CALHM5: variants seen among roughly 807,000 people sequenced by gnomAD.
The protein encoded by CALHM5 is calcium homeostasis modulator protein 5.
CALHM5 carries 17 observed loss-of-function variants against 20.9 expected under a neutral mutation model. The observed-to-expected ratio is 0.82, with a 90% CI of 0.56 to 1.22. CALHM5 has a LOEUF of 1.22. CALHM5 is among the 50% of genes most tolerant of loss of function. CALHM5 has a pLI of 0.00. For missense variants in CALHM5, 360 were observed against 364.6 expected (o/e 0.99, Z 0.10); for synonymous variants, 148 against 140.0 (o/e 1.06, Z -0.40).
rs1255233980 is a variant in CALHM5, at chr6:116,518,830, C to G, written c.*2841C>G. The G allele has an allele frequency of 6.6e-6, 1 of 152,202 alleles. No individual in the cohort carries two copies. The highest frequency in any genetic ancestry group is 1.5e-5 in the Non-Finnish European group (1 of 68,038). The allele number at this position is 152,202 out of a possible 1,614,324, so 9.4% of individuals were successfully genotyped here. On this transcript the variant is annotated 3_prime_UTR_variant, in exon 2 of 2. Coordinates refer to ENST00000368599, the MANE Select transcript of CALHM5 (RefSeq NM_153711.5). Reference sequence around the variant, plus strand: ...ACTGCCTCATTCAAGAAAACCCAAGCTGACTGGCAAGAAGCCAGCAGCCTG... The same window carrying G: ...ACTGCCTCATTCAAGAAAACCCAAGGTGACTGGCAAGAAGCCAGCAGCCTG...
chr6:116,514,638 TA>T (rs1772186298), intron 1 of CALHM5, among the ~76,000 whole-genome samples: 1 of 152,172 alleles, frequency 6.6e-6, no homozygotes, highest in Non-Finnish European at 1.5e-5. Flanking sequence ...TAAACCTGAG[TA>T]GTGCCAGTCC....
At position 116,514,912 on chromosome 6, in the gene CALHM5, G is replaced by C. The variant is rs556842538; in HGVS notation, c.541-688G>C. Among the ~76,000 whole-genome samples, 145 of 152,266 alleles carry C rather than the reference G, an allele frequency of 9.5e-4. 3 individuals are homozygous for C. In the South Asian group the frequency reaches 0.029, roughly 31 times the overall value. On this transcript the variant is annotated intron_variant, in intron 1 of 1. Transcript: ENST00000368599. ...AATTTCAATTGTGAAAACAGAGTTAGAGCCAAAAAAGTTAGAAGATAATTT... is the reference window on the plus strand; with the variant it reads ...AATTTCAATTGTGAAAACAGAGTTACAGCCAAAAAAGTTAGAAGATAATTT...
rs1282149164 is a variant in CALHM5, at chr6:116,517,657, G to A, written c.*1668G>A. 6.6e-6 allele frequency: 1 copy of A among 152,160 alleles called. No homozygotes were observed. The highest frequency in any genetic ancestry group is 1.5e-5 in the Non-Finnish European group (1 of 68,030). 9.4% of individuals were successfully genotyped at this position (152,160 alleles called of 1,614,324 possible). ...TTTGGTCTTTCTTCCTATTCCTGGT[G>A]CAGAGCTCCTAAAACCTTTGGGACC... is the stretch of plus-strand genomic sequence containing the variant. On this transcript the variant is annotated 3_prime_UTR_variant, in exon 2 of 2. Coordinates refer to ENST00000368599, the MANE Select transcript of CALHM5 (RefSeq NM_153711.5).
rs1437212069 is a variant in CALHM5 at position 116,523,300 on chromosome 6, A to T, written c.*7311A>T. 1 of 152,182 alleles carries T rather than the reference A, an allele frequency of 6.6e-6. No individual in the cohort carries two copies. Among genetic ancestry groups the T allele is most frequent in the African/African-American group, 2.4e-5 (1 of 41,450 alleles). 9.4% of individuals were successfully genotyped at this position (152,182 alleles called of 1,614,324 possible). A position where few individuals can be genotyped will look rare whatever the true frequency, so the allele number is the denominator to read the frequency against. ...ATATTTTGTCCTTTAGGAATATTTT[A>T]AAGTTTACTTCACATAAGTTTTACA... On this transcript the variant is annotated 3_prime_UTR_variant, in exon 2 of 2. Coordinates refer to ENST00000368599, the MANE Select transcript of CALHM5 (RefSeq NM_153711.5).
intron 1 of CALHM5, among the ~76,000 whole-genome samples, chr6:116,513,576 T>C (rs1035887549): frequency 2.0e-5 from 3 of 152,208 alleles, no homozygotes; most frequent in African/African-American, 7.2e-5. Context: ...CACACTGACC[T>C]GCTGATTCTT....
At chr6:116,515,061 A>G (rs73553441) in intron 1 of CALHM5, among the ~76,000 whole-genome samples, 9,834 of 152,262 alleles carry the variant, frequency 0.065, 360 homozygotes, top group Non-Finnish European at 0.079. Context: ...GGTTTTAATG[A>G]TCCTAATTTT....
intron 1 of CALHM5, 148 bp from the exon 2 acceptor site, chr6:116,515,452 T>TA: frequency 1.1e-6 from 1 of 909,000 alleles, no homozygotes; most frequent in East Asian, 2.5e-5. Context: ...AAAGTGAGTT[T>TA]AAAGTGTTTA....
At position 116,521,134 on chromosome 6, in the gene CALHM5, T is replaced by C. The variant is rs908151095; in HGVS notation, c.*5145T>C. The C allele has an allele frequency of 6.6e-6, 1 of 151,990 alleles. No homozygotes were observed. Among genetic ancestry groups the C allele is most frequent in the African/African-American group, 2.4e-5 (1 of 41,390 alleles). The allele number at this position is 151,990 out of a possible 1,614,324, so 9.4% of individuals were successfully genotyped here. A position where few individuals can be genotyped will look rare whatever the true frequency, so the allele number is the denominator to read the frequency against. ...TGTATATATATATATGCTACATATA[T>C]GAAAGGGGATTTCTTGTGGGAATAT... On this transcript the variant is annotated 3_prime_UTR_variant, in exon 2 of 2. Transcript: ENST00000368599.
Position 116,515,764 on chromosome 6 carries a change from C to A in CALHM5, c.705C>A (p.Asn235Lys), listed in dbSNP as rs1314282526. 6.2e-7 allele frequency: 1 copy of A among 1,613,898 alleles called. No individual in the cohort carries two copies. Among genetic ancestry groups the A allele is most frequent in the Non-Finnish European group, 8.5e-7 (1 of 1,179,936 alleles). Reference sequence around the variant, plus strand: ...AAAATACATTTCTGGACTATGCCAACAAGCTGAGCGAGAGGAACCTGAAAT... The same window carrying A: ...AAAATACATTTCTGGACTATGCCAAAAAGCTGAGCGAGAGGAACCTGAAAT... ...QLENTFLDYANKLSERNLKCF... is the reference protein window; with the variant it reads ...QLENTFLDYAKKLSERNLKCF... The change falls in exon 2 of 2, where the codon AAC becomes AAA. Residue 235 changes from asparagine (N) to lysine (K), a missense_variant. Coordinates refer to ENST00000368599, the MANE Select transcript of CALHM5 (RefSeq NM_153711.5).
rs545870837 is a variant in CALHM5, at chr6:116,517,210, A to T, written c.*1221A>T. 7.1e-4 allele frequency: 108 copies of T among 152,252 alleles called. No homozygotes were observed. The highest frequency in any genetic ancestry group is 2.5e-3 in the African/African-American group (105 of 41,546). The allele number at this position is 152,252 out of a possible 1,614,324, so 9.4% of individuals were successfully genotyped here. ...TCAGCTTGGGGGTTAAGATTTCAAC[A>T]TATGAAATTGGGGGAGACACAAACA... On this transcript the variant is annotated 3_prime_UTR_variant, in exon 2 of 2. Transcript: ENST00000368599.
rs1453541802 is a variant in CALHM5, at chr6:116,519,036, T to A, written c.*3047T>A. 6.6e-6 allele frequency: 1 copy of A among 152,172 alleles called. No individual in the cohort carries two copies. The highest frequency in any genetic ancestry group is 1.5e-5 in the Non-Finnish European group (1 of 68,040). The allele number at this position is 152,172 out of a possible 1,614,324, so 9.4% of individuals were successfully genotyped here. A position where few individuals can be genotyped will look rare whatever the true frequency, so the allele number is the denominator to read the frequency against. ...TAGTCCTGGAGGCAGTGGAGTAAGA[T>A]AGGGAGAGCAAATTGGTGTCTGCTC... On this transcript the variant is annotated 3_prime_UTR_variant, in exon 2 of 2. Transcript: ENST00000368599.
chr6:116,512,576 G>T (rs1366497369), intron 1 of CALHM5, among the ~76,000 whole-genome samples: 2 of 152,178 alleles, frequency 1.3e-5, no homozygotes, highest in Non-Finnish European at 2.9e-5. Context: ...TGGCAGAGCT[G>T]TAATTAGAAA....
rs1772380936 is a variant in CALHM5 at position 116,523,397 on chromosome 6, T to A, written c.*7408T>A. ...TAAATGGTTTCTTTTTTCCACTATA[T>A]CTTTCTAAGTGATTGTTGTCTGAGT... On this transcript the variant is annotated 3_prime_UTR_variant, in exon 2 of 2. Transcript: ENST00000368599. The A allele has an allele frequency of 6.6e-6, 1 of 152,238 alleles. No homozygotes were observed. The highest frequency in any genetic ancestry group is 2.4e-5 in the African/African-American group (1 of 41,464). The allele number at this position is 152,238 out of a possible 1,614,324, so 9.4% of individuals were successfully genotyped here.
chr6:116,516,120 A>C lies in CALHM5; in HGVS notation c.*131A>C. 8.0e-7 allele frequency: 1 copy of C among 1,245,514 alleles called. No homozygotes were observed. The highest frequency in any genetic ancestry group is 2.9e-4 in the Middle Eastern group (1 of 3,468). The allele number at this position is 1,245,514 out of a possible 1,614,324, so 77.2% of individuals were successfully genotyped here. A position where few individuals can be genotyped will look rare whatever the true frequency, so the allele number is the denominator to read the frequency against. On this transcript the variant is annotated 3_prime_UTR_variant, in exon 2 of 2. Transcript: ENST00000368599. Reference sequence around the variant, plus strand: ...AGTATGTTTACAAGACAATAACACAAAGGAAACTGCTTTGAAGCTCTCAAG... The same window carrying C: ...AGTATGTTTACAAGACAATAACACACAGGAAACTGCTTTGAAGCTCTCAAG...
rs190328245 is a variant in CALHM5 at position 116,521,078 on chromosome 6, A to G, written c.*5089A>G. 1.3e-5 allele frequency: 2 copies of G among 151,374 alleles called. No homozygotes were observed. The highest frequency in any genetic ancestry group is 2.9e-5 in the Non-Finnish European group (2 of 67,992). The allele number at this position is 151,374 out of a possible 1,614,324, so 9.4% of individuals were successfully genotyped here. A position where few individuals can be genotyped will look rare whatever the true frequency, so the allele number is the denominator to read the frequency against. ...ACAGTATATATACATACATACATAT[A>G]TATGTGTGTGCATGTGTGTGTGTGT... On this transcript the variant is annotated 3_prime_UTR_variant, in exon 2 of 2. Transcript: ENST00000368599.
rs1270461857 is a variant in CALHM5, at chr6:116,524,619, A to T, written c.*8630A>T. 1 of 152,146 alleles carries T rather than the reference A, an allele frequency of 6.6e-6. No homozygotes were observed. The highest frequency in any genetic ancestry group is 1.5e-5 in the Non-Finnish European group (1 of 68,030). The allele number at this position is 152,146 out of a possible 1,614,324, so 9.4% of individuals were successfully genotyped here. A position where few individuals can be genotyped will look rare whatever the true frequency, so the allele number is the denominator to read the frequency against. ...CTCTATTTCTTTCTTTATTACTAAC[A>T]AGATGTTTTATCCTATATTCTCATT... On this transcript the variant is annotated 3_prime_UTR_variant, in exon 2 of 2. Coordinates refer to ENST00000368599, the MANE Select transcript of CALHM5 (RefSeq NM_153711.5).
At chr6:116,512,279 G>A (rs1483161720) in intron 1 of CALHM5, 43 bp downstream of exon 1, 4 of 1,548,882 alleles carry the variant, frequency 2.6e-6, no homozygotes, top group South Asian at 2.4e-5. Flanking sequence ...GCATGAGCTC[G>A]AAGTATTCTC....
rs533549995 is a variant in CALHM5, at chr6:116,512,628, C to G, written c.540+392C>G. ...ATTATTTACATTCAAGTTGTTTTCT[C>G]AAACACACACATGTATTATTCATCT... On this transcript the variant is annotated intron_variant, in intron 1 of 1. Transcript: ENST00000368599. Among the ~76,000 whole-genome samples, 27 of 152,318 alleles carry G rather than the reference C, an allele frequency of 1.8e-4. No individual in the cohort carries two copies. In the South Asian group the frequency reaches 5.4e-3, roughly 30 times the overall value.
chr6:116,515,457 T>G, intron 1 of CALHM5, 143 bp from the exon 2 acceptor site: 1 of 922,766 alleles, frequency 1.1e-6, no homozygotes, highest in South Asian at 2.0e-5. Context: ...GAGTTTAAAG[T>G]GTTTAAAAAT....
Sources: gnomAD v4.1 joint callset for allele counts (sites outside exome capture counted in the v4.1 genomes callset) on GRCh38, gnomAD v4.1.1 for gene constraint, MANE v1.5 for transcripts, NCBI Gene and HGNC (gene_info 2026-07-23, HGNC 2026-07-21) for gene names.